EXOC5: variants seen among roughly 807,000 people sequenced by gnomAD.
The protein encoded by EXOC5 is SEC10-like 1.
Under a neutral mutation model 90.8 loss-of-function variants are expected in EXOC5, and 17 were observed. The ratio of observed to expected loss-of-function variants is 0.19; its 90% CI spans 0.13 to 0.28. The LOEUF is 0.28. Among genes scored for constraint, EXOC5 ranks in the 10% least tolerant of loss-of-function variants. The pLI is 1.00. For synonymous variants in EXOC5, 260 were observed against 270.0 expected (o/e 0.96, Z 0.36); for missense variants, 569 against 830.6 (o/e 0.69, Z 3.87).
chr14:57,260,950 T>C (rs1179609809), intron 1 of EXOC5, among the ~76,000 whole-genome samples: 6 of 152,212 alleles, frequency 3.9e-5, no homozygotes, highest in African/African-American at 1.2e-4. Flanking sequence ...AGGCATTTAA[T>C]AGACACCTTG....
chr14:57,227,309 T>C (rs372129728), intron 12 of EXOC5, among the ~76,000 whole-genome samples: 1 of 152,124 alleles, frequency 6.6e-6, no homozygotes, highest in South Asian at 2.1e-4. Context: ...GATTCAGTCA[T>C]ATCAATACTA....
intron 12 of EXOC5, among the ~76,000 whole-genome samples, chr14:57,229,338 G>A (rs1883406128): frequency 6.6e-6 from 1 of 151,912 alleles, no homozygotes; most frequent in Non-Finnish European, 1.5e-5. Context: ...CAACTACATA[G>A]TCAGTTCTCT....
intron 13 of EXOC5, among the ~76,000 whole-genome samples, chr14:57,220,592 G>A (rs74713488): frequency 0.01 from 1,556 of 152,100 alleles, 29 homozygotes; most frequent in African/African-American, 0.035. Flanking sequence ...TTGGAGCCAA[G>A]AGTTCAAAAA....
intron 15 of EXOC5, among the ~76,000 whole-genome samples, chr14:57,216,294 C>T (rs1200031798): frequency 6.7e-6 from 1 of 149,008 alleles, no homozygotes; most frequent in Non-Finnish European, 1.5e-5. Flanking sequence ...AAAAAAAACA[C>T]TAAAATTCTT....
rs562594964 is a variant in EXOC5, at chr14:57,224,788, G to A, written c.1297-2372C>T. 2.0e-4 allele frequency among the ~76,000 whole-genome samples: 31 copies of A among 152,252 alleles called. No homozygotes were observed. The East Asian group carries it at 4.8e-3, about 24-fold the overall frequency. On this transcript the variant is annotated intron_variant, in intron 12 of 17. Coordinates refer to ENST00000621441, the MANE Select transcript of EXOC5 (RefSeq NM_006544.4). ...ACATAAAAAGGAAAAAAAGCTGGGCGTGGTGGCTCACACCTGTAATCTCAG... is the reference window on the plus strand; with the variant it reads ...ACATAAAAAGGAAAAAAAGCTGGGCATGGTGGCTCACACCTGTAATCTCAG...
chr14:57,235,977 GT>G (rs1336330717), intron 6 of EXOC5, among the ~76,000 whole-genome samples, 157 bp from the exon 7 acceptor site: 2 of 152,156 alleles, frequency 1.3e-5, no homozygotes, highest in Non-Finnish European at 2.9e-5. Flanking sequence ...CCCAGCCCCT[GT>G]AATATACTGT....
At chr14:57,249,960 C>T (rs971539305) in intron 1 of EXOC5, among the ~76,000 whole-genome samples, 4 of 151,888 alleles carry the variant, frequency 2.6e-5, no homozygotes, top group Middle Eastern at 3.2e-3. Context: ...TTAGTAGAAA[C>T]GGGGTTTCTC....
Position 57,259,414 on chromosome 14 carries a change from T to C in EXOC5, c.27+9208A>G, listed in dbSNP as rs572632755. ...ACATGCAGCCAAGTTCACACTCTTATATCTACCCTTTAGGGTTCTTATCTT... is the reference window on the plus strand; with the variant it reads ...ACATGCAGCCAAGTTCACACTCTTACATCTACCCTTTAGGGTTCTTATCTT... On this transcript the variant is annotated intron_variant, in intron 1 of 17. Transcript: ENST00000621441. 2.6e-5 allele frequency among the ~76,000 whole-genome samples: 4 copies of C among 152,330 alleles called. No individual in the cohort carries two copies. In the East Asian group the frequency reaches 7.7e-4, roughly 29 times the overall value.
intron 1 of EXOC5, among the ~76,000 whole-genome samples, chr14:57,254,691 G>A (rs2139662800): frequency 2.0e-5 from 3 of 152,268 alleles, no homozygotes; most frequent in Middle Eastern, 6.8e-3. Flanking sequence ...GGACCTTTGG[G>A]GAGGTAATCA....
At position 57,247,109 on chromosome 14, in the gene EXOC5, G is replaced by A. The variant is rs569874822; in HGVS notation, c.123-251C>T. Reference sequence around the variant, plus strand: ...AGCAAACATGACATTTGAAAATATAGCCAGGCTTTAACTATTGACTTTTTC... The same window carrying A: ...AGCAAACATGACATTTGAAAATATAACCAGGCTTTAACTATTGACTTTTTC... On this transcript the variant is annotated intron_variant, in intron 2 of 17. Transcript: ENST00000621441. Among the ~76,000 whole-genome samples the A allele has an allele frequency of 2.0e-5, 3 of 152,166 alleles. No homozygotes were observed. In the East Asian group the frequency reaches 5.8e-4, roughly 29 times the overall value.
intron 4 of EXOC5, among the ~76,000 whole-genome samples, chr14:57,240,714 A>C (rs1355999106): frequency 6.6e-6 from 1 of 152,198 alleles, no homozygotes; most frequent in African/African-American, 2.4e-5. Context: ...TATTCTTTAA[A>C]TCTCAAACTA....
In EXOC5 at chr14:57,267,175, C is replaced by G. The variant is rs1373889179; in HGVS notation, c.27+1447G>C. Among the ~76,000 whole-genome samples, 4 of 152,168 alleles carry G rather than the reference C, an allele frequency of 2.6e-5. No individual in the cohort carries two copies. In the East Asian group the frequency reaches 7.7e-4, roughly 29 times the overall value. The stretch of plus-strand genomic sequence containing the variant: ...GTTCCTAGCAGGAAAAATGTCTCCC[C>G]GTTCTTGTGTCAATAAACAGATGGC... On this transcript the variant is annotated intron_variant, in intron 1 of 17. Transcript: ENST00000621441.
rs1357321230 is a variant in EXOC5, at chr14:57,202,081, A to G, written c.*6528T>C. ...GTGTACTATGTGATAGGATGCAACA[A>G]TAACACAGAGTTGCATCCGTGGTAT... On this transcript the variant is annotated 3_prime_UTR_variant, in exon 18 of 18. Transcript: ENST00000621441. The G allele has an allele frequency of 2.0e-5, 3 of 152,134 alleles. No homozygotes were observed. Among genetic ancestry groups the G allele is most frequent in the Non-Finnish European group, 4.4e-5 (3 of 68,014 alleles). 9.4% of individuals were successfully genotyped at this position (152,134 alleles called of 1,614,324 possible).
chr14:57,205,819 T>C lies in EXOC5; in HGVS notation c.*2790A>G, dbSNP rs1280218151. On this transcript the variant is annotated 3_prime_UTR_variant, in exon 18 of 18. Transcript: ENST00000621441. ...AATTAGATTTTAATTTAACCTACTT[T>C]GATAGTTTTTTAAAACAAGGAAGAT... The C allele has an allele frequency of 9.1e-6, 4 of 441,380 alleles. No homozygotes were observed. The highest frequency in any genetic ancestry group is 1.8e-5 in the Non-Finnish European group (4 of 223,560). 27.3% of individuals were successfully genotyped at this position (441,380 alleles called of 1,614,324 possible).
At position 57,268,861 on chromosome 14, in the gene EXOC5, C is replaced by G. The variant is rs981675131; in HGVS notation, c.-213G>C. The G allele has an allele frequency of 5.4e-6, 7 of 1,290,592 alleles. No homozygotes were observed. Among genetic ancestry groups the G allele is most frequent in the Non-Finnish European group, 7.1e-6 (7 of 984,372 alleles). 79.9% of individuals were successfully genotyped at this position (1,290,592 alleles called of 1,614,324 possible). A position where few individuals can be genotyped will look rare whatever the true frequency, so the allele number is the denominator to read the frequency against. On this transcript the variant is annotated 5_prime_UTR_variant, in exon 1 of 18. Coordinates refer to ENST00000621441, the MANE Select transcript of EXOC5 (RefSeq NM_006544.4). ...TTGTCAGCTGCCTCCCGGCGCCGCC[C>G]GCGCTGCTCCCATTGTCACCGCCTC... is the stretch of plus-strand genomic sequence containing the variant.
In EXOC5 at chr14:57,207,101, A is replaced by T. The variant is rs1882680466; in HGVS notation, c.*1508T>A. 1 of 152,508 alleles carries T rather than the reference A, an allele frequency of 6.6e-6. No individual in the cohort carries two copies. Among genetic ancestry groups the T allele is most frequent in the South Asian group, 2.1e-4 (1 of 4,830 alleles). The allele number at this position is 152,508 out of a possible 1,614,324, so 9.4% of individuals were successfully genotyped here. ...CTAAAATGCTCTGAAAGAAGTTGGT[A>T]TACTTCATTCCCCAGCTTACCTTGG... On this transcript the variant is annotated 3_prime_UTR_variant, in exon 18 of 18. Coordinates refer to ENST00000621441, the MANE Select transcript of EXOC5 (RefSeq NM_006544.4).
chr14:57,244,565 T>C (rs577781646), intron 3 of EXOC5, among the ~76,000 whole-genome samples: 25 of 152,164 alleles, frequency 1.6e-4, no homozygotes, highest in African/African-American at 5.5e-4. Context: ...ATAATATTTA[T>C]CGTGAGTACA....
chr14:57,249,149 T>A (rs887169332), intron 1 of EXOC5, among the ~76,000 whole-genome samples: 1 of 152,152 alleles, frequency 6.6e-6, no homozygotes, highest in Non-Finnish European at 1.5e-5. Flanking sequence ...ACATACTTTA[T>A]CATATTCAAT....
At chr14:57,215,831 C>A (rs573305807) in intron 15 of EXOC5, among the ~76,000 whole-genome samples, 31 of 152,070 alleles carry the variant, frequency 2.0e-4, no homozygotes, top group African/African-American at 6.0e-4. Context: ...CTAGCCAGAG[C>A]AGTTAGGCAA....
Sources: gnomAD v4.1 joint callset for allele counts (sites outside exome capture counted in the v4.1 genomes callset) on GRCh38, gnomAD v4.1.1 for gene constraint, MANE v1.5 for transcripts, NCBI Gene and HGNC (gene_info 2026-07-23, HGNC 2026-07-21) for gene names.